The following ASH1L variants were observed in gnomAD, a reference collection of about 807,000 sequenced individuals.
ASH1L encodes ASH1 like histone lysine methyltransferase, also known as histone-lysine N-methyltransferase ASH1L.
ASH1L carries 23 observed loss-of-function variants against 269.0 expected under a neutral mutation model. That is an observed-to-expected ratio of 0.09 (90% confidence interval 0.06 to 0.12). The LOEUF (loss-of-function observed/expected upper bound fraction) is 0.12, where lower values mean the gene tolerates loss of function less well. Ranked by LOEUF, ASH1L falls within the 10% of genes least tolerant of loss-of-function variation. ASH1L has a pLI of 1.00. For missense variants in ASH1L, 2,912 were observed against 3,567.8 expected (o/e 0.82, Z 4.68); for synonymous variants, 1,187 against 1,253.5 (o/e 0.95, Z 1.12).
chr1:155,440,434 G>A (rs562999596), intron 4 of ASH1L: 106 of 226,918 alleles, frequency 4.7e-4, no homozygotes, highest in Admixed American at 3.4e-3. Context: ...TCAATTACTT[G>A]CAACTCCATT....
intron 3 of ASH1L, among the ~76,000 whole-genome samples, chr1:155,465,439 A>C (rs1664617178): frequency 6.6e-6 from 1 of 152,178 alleles, no homozygotes; most frequent in Non-Finnish European, 1.5e-5. Context: ...CACTAAAGAC[A>C]CAAGTAACTA....
At chr1:155,346,106 T>A (rs1394669080) in intron 21 of ASH1L, 2 of 1,284,960 alleles carry the variant, frequency 1.6e-6, no homozygotes, top group Admixed American at 4.5e-5. Context: ...TGTGCTAGGA[T>A]TACAGGCATG....
Position 155,338,315 on chromosome 1 carries a change from A to C in ASH1L, c.8577T>G (p.Ile2859Met). The C allele has an allele frequency of 6.2e-7, 1 of 1,613,860 alleles. No individual in the cohort carries two copies. Among genetic ancestry groups the C allele is most frequent in the Non-Finnish European group, 8.5e-7 (1 of 1,179,994 alleles). Residue 2859 changes from isoleucine (I) to methionine (M), a missense_variant, in exon 27 of 28, where the codon ATT becomes ATG. Physicochemically the swap from Ile to Met is conservative, Grantham distance 10 (BLOSUM62 1). Around this residue, in one of 13 missense-constraint regions of ASH1L, gnomAD observed 154 missense variants for 165.0 expected, o/e 0.93. Coordinates refer to ENST00000392403, the MANE Select transcript of ASH1L (RefSeq NM_018489.3). ...LGQEDDALPL[I>M]EEVLASQEQA... is the part of the protein sequence containing the mutation. ...GCTCTTGACTGGCTAGAACCTCTTC[A>C]ATCAAGGGTAGAGCATCATCCTCCT...
intron 4 of ASH1L, among the ~76,000 whole-genome samples, chr1:155,440,075 C>T (rs57519519): frequency 0.052 from 7,938 of 151,828 alleles, 698 homozygotes; most frequent in African/African-American, 0.18. Context: ...TTTGGGAGGC[C>T]GAGGTGGAAG....
At position 155,439,087 on chromosome 1, in the gene ASH1L, C is replaced by T. The variant is rs920060802; in HGVS notation, c.5087-19G>A. 1.3e-6 allele frequency: 2 copies of T among 1,573,816 alleles called. No homozygotes were observed. The highest frequency in any genetic ancestry group is 8.6e-7 in the Non-Finnish European group (1 of 1,162,258). On this transcript the variant is annotated intron_variant, in intron 4 of 27. Transcript: ENST00000392403. ...CCGTTTACTGAAAGAGACAATAAAT[C>T]ACACATAGACAAAATTGGACACGGC...
intron 7 of ASH1L, among the ~76,000 whole-genome samples, chr1:155,392,239 C>T (rs909972936): frequency 3.3e-5 from 5 of 152,164 alleles, no homozygotes; most frequent in African/African-American, 1.2e-4. Flanking sequence ...CCCTCACTTT[C>T]CTGCTGCTGT....
At position 155,549,644 on chromosome 1, in the gene ASH1L, A is replaced by T. The variant is rs568313860; in HGVS notation, c.-100+12509T>A. The stretch of plus-strand genomic sequence containing the variant: ...AGTCTCAAAAAAAAAAAAAAAAAAA[A>T]TTTAAGTATACAAGATGATACACAT... On this transcript the variant is annotated intron_variant, in intron 1 of 27. Transcript: ENST00000392403. 7.5e-4 allele frequency among the ~76,000 whole-genome samples: 113 copies of T among 151,318 alleles called. 3 individuals are homozygous for T. In the South Asian group the frequency reaches 0.022, roughly 30 times the overall value.
At chr1:155,473,518 A>C (rs1665278601) in intron 3 of ASH1L, among the ~76,000 whole-genome samples, 2 of 146,104 alleles carry the variant, frequency 1.4e-5, no homozygotes, top group Non-Finnish European at 3.0e-5. Context: ...TTTGAGACAG[A>C]GTATCACTCT....
chr1:155,344,496 T>G, intron 21 of ASH1L: 1 of 438,032 alleles, frequency 2.3e-6, no homozygotes, highest in Non-Finnish European at 4.1e-6. Context: ...TATGAAGCAC[T>G]AATTGTGTAG....
intron 1 of ASH1L, among the ~76,000 whole-genome samples, chr1:155,522,393 G>C (rs560995200): frequency 2.6e-5 from 4 of 152,196 alleles, no homozygotes; most frequent in African/African-American, 7.2e-5. Context: ...TAAATTTTAA[G>C]GTTTATACTC....
chr1:155,504,960 G>GT (rs1667725037), intron 2 of ASH1L, among the ~76,000 whole-genome samples: 1 of 151,840 alleles, frequency 6.6e-6, no homozygotes, highest in African/African-American at 2.4e-5. Flanking sequence ...CAAAAAAGTG[G>GT]TTTTATCTTT....
At chr1:155,530,751 A>G (rs1202764530) in intron 1 of ASH1L, among the ~76,000 whole-genome samples, 2 of 151,630 alleles carry the variant, frequency 1.3e-5, no homozygotes, top group Non-Finnish European at 2.9e-5. Context: ...GGAAAAAAAA[A>G]AATCAAAAAA....
At chr1:155,397,795 C>A (rs1170379883) in intron 6 of ASH1L, among the ~76,000 whole-genome samples, 1 of 152,146 alleles carries the variant, frequency 6.6e-6, no homozygotes, top group African/African-American at 2.4e-5. Context: ...CTCCTGACCT[C>A]AGGTGATCCA....
chr1:155,557,819 C>T (rs1671703977), intron 1 of ASH1L, among the ~76,000 whole-genome samples: 1 of 151,954 alleles, frequency 6.6e-6, no homozygotes, highest in South Asian at 2.1e-4. Context: ...CAAAACAAAA[C>T]AAAAATGAAC....
At chr1:155,434,214 T>C (rs1661887107) in intron 5 of ASH1L, 1 of 1,598,378 alleles carries the variant, frequency 6.3e-7, no homozygotes, top group African/African-American at 1.3e-5. Flanking sequence ...GGGGAAGCCT[T>C]TCCCCCGTCT....
intron 4 of ASH1L, among the ~76,000 whole-genome samples, chr1:155,453,793 C>T (rs747643651): frequency 3.3e-5 from 5 of 149,848 alleles, no homozygotes; most frequent in African/African-American, 9.8e-5. Flanking sequence ...AGGGAGACTG[C>T]GTGTCAAAAA....
At chr1:155,492,230 TAG>T (rs1666857506) in intron 2 of ASH1L, among the ~76,000 whole-genome samples, 1 of 151,240 alleles carries the variant, frequency 6.6e-6, no homozygotes, top group African/African-American at 2.4e-5. Flanking sequence ...GTATTTTTGG[TAG>T]AGACAGGGTT....
intron 1 of ASH1L, among the ~76,000 whole-genome samples, chr1:155,551,484 C>T (rs1425589838): frequency 6.6e-6 from 1 of 150,842 alleles, no homozygotes; most frequent in Non-Finnish European, 1.5e-5. Flanking sequence ...AACGGTGAAA[C>T]CCCGTCTCTA....
At chr1:155,362,374 C>T (rs1655043286) in intron 12 of ASH1L, among the ~76,000 whole-genome samples, 1 of 147,150 alleles carries the variant, frequency 6.8e-6, no homozygotes, top group Non-Finnish European at 1.5e-5. Flanking sequence ...GCCTGGGCAA[C>T]ATAGTGAGAC....
Sources: allele counts gnomAD v4.1 joint callset (sites outside exome capture counted in the v4.1 genomes callset), GRCh38; gene constraint gnomAD v4.1.1; regional missense constraint gnomAD v4.1.1; transcripts MANE v1.5; gene names NCBI Gene and HGNC (gene_info 2026-07-23, HGNC 2026-07-21).